PPME1: variants seen among roughly 807,000 people sequenced by gnomAD.
The protein encoded by PPME1 is testicular secretory protein Li 39.
PPME1 carries 17 observed loss-of-function variants against 56.9 expected under a neutral mutation model. The ratio of observed to expected loss-of-function variants is 0.30; its 90% confidence interval spans 0.20 to 0.45. The LOEUF (loss-of-function observed/expected upper bound fraction) is 0.45. Among genes scored for constraint, PPME1 ranks in the 20% least tolerant of loss-of-function variants. The probability of loss-of-function intolerance (pLI) is 1.00; values close to 1 mark genes in which losing one functional copy is unlikely to be tolerated. For synonymous variants in PPME1, 122 were observed against 156.2 expected (o/e 0.78, Z 1.63); for missense variants, 357 against 483.2 (o/e 0.74, Z 2.45).
At chr11:74,217,594 G>A (rs1271084244) in intron 3 of PPME1, among the ~76,000 whole-genome samples, 1 of 150,626 alleles carries the variant, frequency 6.6e-6, no homozygotes, top group Admixed American at 6.6e-5. Flanking sequence ...GATCAAGTGG[G>A]ATTTATTCTA....
At chr11:74,181,212 T>A (rs1452245995) in intron 1 of PPME1, among the ~76,000 whole-genome samples, 3 of 147,002 alleles carry the variant, frequency 2.0e-5, no homozygotes, top group African/African-American at 7.5e-5. Context: ...GCCCGGCTAA[T>A]TTTTTTTTTG....
At chr11:74,213,243 T>C (rs1858528491) in intron 3 of PPME1, among the ~76,000 whole-genome samples, 1 of 152,170 alleles carries the variant, frequency 6.6e-6, no homozygotes, top group African/African-American at 2.4e-5. Context: ...GGGGAGAGAC[T>C]ATGCTTGTGG....
In PPME1 at chr11:74,207,747, G is replaced by A. The variant is rs534276551; in HGVS notation, c.288+3302G>A. On this transcript the variant is annotated intron_variant, in intron 3 of 13. Coordinates refer to ENST00000328257, the MANE Select transcript of PPME1 (RefSeq NM_016147.3). ...AGAATGAAGCAGAAACTGAAGTTTG[G>A]CTGAGCCAGAAGAGAGATGAGAGGA... 2.6e-5 allele frequency among the ~76,000 whole-genome samples: 4 copies of A among 152,306 alleles called. No homozygotes were observed. The East Asian group carries it at 5.8e-4, about 22-fold the overall frequency.
At chr11:74,242,057 G>A (rs1002934851) in intron 9 of PPME1, among the ~76,000 whole-genome samples, 4 of 152,118 alleles carry the variant, frequency 2.6e-5, no homozygotes, top group Non-Finnish European at 5.9e-5. Context: ...TAAAAGTCAT[G>A]AAGATTTATA....
chr11:74,182,672 A>G (rs183778328), intron 1 of PPME1, among the ~76,000 whole-genome samples: 80 of 152,298 alleles, frequency 5.3e-4, no homozygotes, highest in African/African-American at 1.8e-3. Context: ...TAACAATTCT[A>G]ACATGGTTCT....
chr11:74,238,766 A>C (rs1446195397), intron 8 of PPME1: 1 of 157,378 alleles, frequency 6.4e-6, no homozygotes, highest in Non-Finnish European at 1.4e-5. Flanking sequence ...CTGGATTTGC[A>C]TCCCAGCCTT....
chr11:74,205,609 A>G (rs896801363), intron 3 of PPME1: 3 of 152,198 alleles, frequency 2.0e-5, no homozygotes, highest in Non-Finnish European at 4.4e-5. Context: ...TTTAAATCTC[A>G]TCTTGTCTCT....
intron 1 of PPME1, among the ~76,000 whole-genome samples, chr11:74,193,528 G>A (rs1239576161): frequency 2.0e-5 from 3 of 152,170 alleles, no homozygotes; most frequent in Admixed American, 1.3e-4. Context: ...AAGCATTTTG[G>A]ATGAGGGATA....
Position 74,230,657 on chromosome 11 carries a change from C to T in PPME1, c.554-255C>T, listed in dbSNP as rs1859042642. 1.7e-6 allele frequency: 1 copy of T among 596,814 alleles called. No individual in the cohort carries two copies. Among genetic ancestry groups the T allele is most frequent in the Non-Finnish European group, 2.9e-6 (1 of 346,946 alleles). 37.0% of individuals were successfully genotyped at this position (596,814 alleles called of 1,614,324 possible). On this transcript the variant is annotated intron_variant, in intron 6 of 13. Coordinates refer to ENST00000328257, the MANE Select transcript of PPME1 (RefSeq NM_016147.3). The surrounding 1 kb of genome is among the most constrained non-coding windows in gnomAD (Gnocchi z 4.9). ...TTGTATTTAATCATATAAAAAGAAG[C>T]TGCCATGTCTTTTCTGACCCAGCTT...
At chr11:74,194,251 T>A (rs908851601) in intron 1 of PPME1, among the ~76,000 whole-genome samples, 1 of 152,162 alleles carries the variant, frequency 6.6e-6, no homozygotes, top group Non-Finnish European at 1.5e-5. Context: ...GTTAATTCTG[T>A]TTCAGCCTTT....
intron 10 of PPME1, 81 bp from the exon 11 acceptor site, chr11:74,246,998 C>G (rs1859519645): frequency 8.6e-7 from 1 of 1,169,536 alleles, no homozygotes; most frequent in African/African-American, 1.5e-5. Flanking sequence ...AGAATGTCAT[C>G]ATATTTAAAA....
intron 1 of PPME1, among the ~76,000 whole-genome samples, chr11:74,181,974 C>T (rs1427922467): frequency 6.6e-6 from 1 of 152,204 alleles, no homozygotes; most frequent in Admixed American, 6.5e-5. Flanking sequence ...CTCTTCTCCC[C>T]CTGCCCTCCA....
intron 5 of PPME1, among the ~76,000 whole-genome samples, chr11:74,226,698 A>G (rs907250516): frequency 6.6e-6 from 1 of 152,202 alleles, no homozygotes; most frequent in Non-Finnish European, 1.5e-5. Flanking sequence ...AAATTGAAGA[A>G]TTGATTGAGA....
At chr11:74,172,831 T>C (rs910237242) in intron 1 of PPME1, among the ~76,000 whole-genome samples, 2 of 152,122 alleles carry the variant, frequency 1.3e-5, no homozygotes, top group African/African-American at 4.8e-5. Context: ...AGATATTCTT[T>C]GAAAAAGGAC....
chr11:74,195,139 T>C (rs1591026050), intron 1 of PPME1, among the ~76,000 whole-genome samples: 1 of 152,208 alleles, frequency 6.6e-6, no homozygotes, highest in East Asian at 1.9e-4. Context: ...AGTATATATG[T>C]ACAGTTCAAA....
intron 1 of PPME1, 73 bp downstream of exon 1, chr11:74,171,595 T>C (rs1452534242): frequency 1.7e-5 from 25 of 1,494,298 alleles, no homozygotes; most frequent in Non-Finnish European, 2.1e-5. Flanking sequence ...TGGGCGTTCA[T>C]AGAGGCACGG....
chr11:74,217,672 C>T (rs1017381582), intron 3 of PPME1, among the ~76,000 whole-genome samples: 5 of 147,938 alleles, frequency 3.4e-5, no homozygotes, highest in African/African-American at 7.5e-5. Context: ...GAATGAAGGA[C>T]AAAAACCATA....
intron 3 of PPME1, among the ~76,000 whole-genome samples, chr11:74,207,369 A>G (rs938335662): frequency 2.0e-5 from 3 of 152,340 alleles, no homozygotes; most frequent in South Asian, 2.1e-4. Flanking sequence ...CAGAAGTTCT[A>G]TTATGTATGA....
At chr11:74,236,363 C>G (rs1249505110) in intron 8 of PPME1, among the ~76,000 whole-genome samples, 2 of 152,202 alleles carry the variant, frequency 1.3e-5, no homozygotes, top group African/African-American at 4.8e-5. Context: ...CTGGCATAGC[C>G]TGAGTGAAAG....
Sources: allele counts gnomAD v4.1 joint callset (sites outside exome capture counted in the v4.1 genomes callset), GRCh38; gene constraint gnomAD v4.1.1; non-coding constraint Gnocchi (gnomAD v3.1); transcripts MANE v1.5; gene names NCBI Gene and HGNC (gene_info 2026-07-23, HGNC 2026-07-21).